The following FAM193A variants were observed in gnomAD, a reference collection of about 807,000 sequenced individuals.
FAM193A encodes the protein family with sequence similarity 193 member A.
In FAM193A, 22 loss-of-function variants were observed where a neutral mutation model predicts 126.5. That is an observed-to-expected ratio of 0.17 (90% CI 0.12 to 0.25). The LOEUF is 0.25. FAM193A is among the 10% of genes least tolerant of loss of function. FAM193A has a pLI of 1.00. For synonymous variants in FAM193A, 761 were observed against 646.8 expected, an observed-to-expected ratio of 1.18 and a Z score of -2.68; for missense variants, 1,675 against 1,672.8, an observed-to-expected ratio of 1.00 and a Z score of -0.02.
chr4:2,552,632 G>A (rs986822043), intron 1 of FAM193A, among the ~76,000 whole-genome samples: 1 of 151,622 alleles, frequency 6.6e-6, no homozygotes, highest in Non-Finnish European at 1.5e-5. Flanking sequence ...CCGCCTCCTG[G>A]GTTCATGCCA....
chr4:2,682,242 G>T (rs538611415), intron 13 of FAM193A, among the ~76,000 whole-genome samples: 1 of 151,908 alleles, frequency 6.6e-6, no homozygotes, highest in Non-Finnish European at 1.5e-5. Context: ...CCTCAGCCTC[G>T]CAAAGTGCTG....
chr4:2,716,271 A>C (rs1003649893), intron 20 of FAM193A, among the ~76,000 whole-genome samples, 167 bp downstream of exon 20: 1 of 152,182 alleles, frequency 6.6e-6, no homozygotes, highest in Admixed American at 6.5e-5. Context: ...CCAGCCACAC[A>C]CACCCCTCCC....
intron 13 of FAM193A, among the ~76,000 whole-genome samples, chr4:2,683,461 A>G (rs2109227821): frequency 6.6e-6 from 1 of 152,048 alleles, no homozygotes; most frequent in Non-Finnish European, 1.5e-5. Context: ...TGCCCGGCTA[A>G]TTTTTGTATT....
chr4:2,551,876 G>A (rs1448637478), intron 1 of FAM193A, among the ~76,000 whole-genome samples: 2 of 151,150 alleles, frequency 1.3e-5, no homozygotes, highest in East Asian at 1.9e-4. Context: ...GGTCTTGTAC[G>A]GTCTCCTAGT....
chr4:2,584,932 G>GA (rs896448881), intron 1 of FAM193A, among the ~76,000 whole-genome samples: 85 of 145,012 alleles, frequency 5.9e-4, no homozygotes, highest in African/African-American at 9.9e-4. Context: ...TCAAAAAAAG[G>GA]AAAAAAAAAA....
intron 4 of FAM193A, among the ~76,000 whole-genome samples, chr4:2,627,385 A>AAACAGGTGGGTTTCTT (rs1560494614): frequency 8.7e-5 from 12 of 137,696 alleles, no homozygotes; most frequent in Admixed American, 1.7e-4. Flanking sequence ...GGTCTCTAAC[A>AAACAGGTGGGTTTCTT]TAATCCACCT....
At position 2,731,923 on chromosome 4, in the gene FAM193A, A is replaced by C; in HGVS notation, c.*55A>C. The C allele has an allele frequency of 3.8e-6, 5 of 1,321,138 alleles. No homozygotes were observed. Among genetic ancestry groups the C allele is most frequent in the African/African-American group, 1.4e-5 (1 of 69,334 alleles). 81.8% of individuals were successfully genotyped at this position (1,321,138 alleles called of 1,614,324 possible). ...GAGGCAGGCCAGGCTGCACCACCCC[A>C]AGAGCCACGCCCCTCGCTGGCGCCC... On this transcript the variant is annotated 3_prime_UTR_variant, in exon 21 of 21. Coordinates refer to ENST00000637812, the MANE Select transcript of FAM193A (RefSeq NM_001366318.2).
chr4:2,602,959 C>CTTTT (rs71178487), intron 2 of FAM193A, among the ~76,000 whole-genome samples: 510 of 42,302 alleles, frequency 0.012, 157 homozygotes, highest in African/African-American at 0.057. Context: ...TGCACCCGGC[C>CTTTT]TTTTTTTTTT....
intron 19 of FAM193A, among the ~76,000 whole-genome samples, chr4:2,714,834 A>G (rs1719367183): frequency 6.6e-6 from 1 of 152,198 alleles, no homozygotes; most frequent in African/African-American, 2.4e-5. Flanking sequence ...ACTCACCTTT[A>G]ACAAAGAAAT....
At position 2,672,288 on chromosome 4, in the gene FAM193A, T is replaced by G; in HGVS notation, c.2247T>G (p.His749Gln). The G allele has an allele frequency of 1.2e-6, 2 of 1,614,214 alleles. No individual in the cohort carries two copies. Among genetic ancestry groups the G allele is most frequent in the Non-Finnish European group, 1.7e-6 (2 of 1,180,040 alleles). Residue 749 changes from histidine to glutamine, a missense_variant, in exon 13 of 21, where the codon CAT (histidine) becomes CAG (glutamine). His to Gln is a conservative substitution (Grantham distance 24). Around this residue, in one of 4 missense-constraint regions of FAM193A, gnomAD observed 1,186 missense variants for 1,109.2 expected, o/e 1.07. Transcript: ENST00000637812. ...ACCTTTACCCTCACATCCATGGACA[T>G]GTGCCTTTGCACACTGTTCCACACC... ...ALHLYPHIHG[H>Q]VPLHTVPHLP...
At chr4:2,672,559 T>G (rs1166448690) in intron 13 of FAM193A, among the ~76,000 whole-genome samples, 187 bp downstream of exon 13, 1 of 152,224 alleles carries the variant, frequency 6.6e-6, no homozygotes, top group Non-Finnish European at 1.5e-5. Context: ...CCTTTACAGT[T>G]GTAACAATCA....
chr4:2,586,416 G>C, intron 1 of FAM193A, among the ~76,000 whole-genome samples: 1 of 151,990 alleles, frequency 6.6e-6, no homozygotes, highest in Non-Finnish European at 1.5e-5. Flanking sequence ...TATGGTGTGA[G>C]ATAGGGGCCC....
chr4:2,718,924 G>T (rs887002702), intron 20 of FAM193A, among the ~76,000 whole-genome samples: 1 of 152,110 alleles, frequency 6.6e-6, no homozygotes, highest in East Asian at 1.9e-4. Context: ...AACAATAGCT[G>T]TAAGTCTCAG....
At chr4:2,683,482 T>A (rs531701606) in intron 13 of FAM193A, among the ~76,000 whole-genome samples, 1 of 152,214 alleles carries the variant, frequency 6.6e-6, no homozygotes, top group South Asian at 2.1e-4. Context: ...TTAATAGAGA[T>A]GAGGTTTCAC....
At position 2,630,999 on chromosome 4, in the gene FAM193A, C is replaced by T. The variant is rs752363732; in HGVS notation, c.868C>T (p.Leu290=). The change falls in exon 5 of 21, where the codon CTG becomes TTG. Residue 290 remains leucine (L), a synonymous_variant. Transcript: ENST00000637812. ...RLEQQAREYV[L]EMKVRLLRQL... ...GGAACAGCAAGCTCGAGAGTATGTG[C>T]TGGAGATGAAGGTCCGCCTGCTCCG... 1.5e-5 allele frequency: 24 copies of T among 1,613,598 alleles called. 1 individual carries two copies. In the South Asian group the frequency reaches 2.6e-4, roughly 18 times the overall value.
At chr4:2,568,542 A>G (rs1420671547) in intron 1 of FAM193A, among the ~76,000 whole-genome samples, 1 of 152,178 alleles carries the variant, frequency 6.6e-6, no homozygotes, top group Non-Finnish European at 1.5e-5. Context: ...TAATTTTAAC[A>G]TCATATTTGG....
chr4:2,555,222 A>G (rs1205360019), intron 1 of FAM193A, among the ~76,000 whole-genome samples: 1 of 152,192 alleles, frequency 6.6e-6, no homozygotes, highest in Non-Finnish European at 1.5e-5. Context: ...ACATGGTGAC[A>G]CAAGCCATCT....
At chr4:2,686,640 C>T (rs546457840) in intron 13 of FAM193A, among the ~76,000 whole-genome samples, 1 of 152,184 alleles carries the variant, frequency 6.6e-6, no homozygotes, top group Non-Finnish European at 1.5e-5. Flanking sequence ...AGCCCAGGCT[C>T]TCAGCCAGGC....
chr4:2,576,796 G>A (rs1268891092), intron 1 of FAM193A, among the ~76,000 whole-genome samples: 1 of 152,214 alleles, frequency 6.6e-6, no homozygotes, highest in African/African-American at 2.4e-5. Flanking sequence ...AGTAGTAGGT[G>A]CTGTTGTTAC....
Sources: gnomAD v4.1 joint callset for allele counts (sites outside exome capture counted in the v4.1 genomes callset) on GRCh38, gnomAD v4.1.1 for gene constraint, gnomAD v4.1.1 regional missense constraint, MANE v1.5 for transcripts, NCBI Gene and HGNC (gene_info 2026-07-23, HGNC 2026-07-21) for gene names.